The following KLHL29 variants were observed in gnomAD, a reference collection of about 807,000 sequenced individuals.
KLHL29 encodes the protein kelch-like protein 29.
Under a neutral mutation model 80.4 loss-of-function variants are expected in KLHL29, and 21 were observed. The ratio of observed to expected loss-of-function variants is 0.26; its 90% CI spans 0.19 to 0.38. KLHL29 has a LOEUF of 0.38. Ranked by LOEUF, KLHL29 falls within the 10% of genes least tolerant of loss-of-function variation. The probability of loss-of-function intolerance (pLI) is 1.00; values close to 1 mark genes in which losing one functional copy is unlikely to be tolerated. For synonymous variants in KLHL29, 511 were observed against 526.8 expected (o/e 0.97, Z 0.41); for missense variants, 867 against 1,223.9 (o/e 0.71, Z 4.35).
intron 1 of KLHL29, among the ~76,000 whole-genome samples, chr2:23,439,826 T>C (rs896701479): frequency 2.6e-5 from 4 of 152,194 alleles, no homozygotes; most frequent in Non-Finnish European, 5.9e-5. Context: ...GTCTATTAGG[T>C]CCGCTTGGTG....
At chr2:23,540,434 T>G (rs1252103336) in intron 2 of KLHL29, among the ~76,000 whole-genome samples, 1 of 152,260 alleles carries the variant, frequency 6.6e-6, no homozygotes, top group Non-Finnish European at 1.5e-5. Flanking sequence ...AAAATCGTAC[T>G]GGCTAGTGCT....
intron 2 of KLHL29, among the ~76,000 whole-genome samples, chr2:23,557,619 C>T (rs72849604): frequency 0.034 from 5,111 of 152,136 alleles, 301 homozygotes; most frequent in African/African-American, 0.12. Flanking sequence ...CATGGCATGG[C>T]CCAGCAGGTG....
chr2:23,568,809 G>A (rs561957112), intron 3 of KLHL29, among the ~76,000 whole-genome samples: 1 of 152,328 alleles, frequency 6.6e-6, no homozygotes, highest in South Asian at 2.1e-4. Flanking sequence ...TGTTTGTTTA[G>A]GCATAGTCAC....
chr2:23,530,021 T>C (rs1252228203), intron 2 of KLHL29, among the ~76,000 whole-genome samples: 1 of 151,428 alleles, frequency 6.6e-6, no homozygotes, highest in African/African-American at 2.5e-5. Context: ...GCTCTTTCCA[T>C]GTGCTCTTCA....
intron 3 of KLHL29, among the ~76,000 whole-genome samples, chr2:23,581,098 T>C (rs1053648630): frequency 1.3e-5 from 2 of 152,226 alleles, no homozygotes; most frequent in African/African-American, 2.4e-5. Flanking sequence ...TTATTTTTTT[T>C]TTAAAGAAAT....
rs894161293 is a variant in KLHL29, at chr2:23,703,837, C to T, written c.2418C>T (p.Asn806=). The T allele has an allele frequency of 3.3e-6, 5 of 1,537,284 alleles. No homozygotes were observed. Among genetic ancestry groups the T allele is most frequent in the African/African-American group, 1.4e-5 (1 of 73,052 alleles). Reference sequence around the variant, plus strand: ...AAGGAAACATTAAGGCGGGCCCAAACATGAACCACTCTCGCCAGTTCTGCA... The same window carrying T: ...AAGGAAACATTAAGGCGGGCCCAAATATGAACCACTCTCGCCAGTTCTGCA... ...PEKGNIKAGP[N]MNHSRQFCSA... Residue 806 remains asparagine, a synonymous_variant, in exon 13 of 14, where the codon AAC becomes AAT. Transcript: ENST00000486442.
intron 3 of KLHL29, among the ~76,000 whole-genome samples, chr2:23,564,401 G>A (rs1446774630): frequency 6.6e-6 from 1 of 152,226 alleles, no homozygotes; most frequent in Non-Finnish European, 1.5e-5. Context: ...GGGGGCGAAA[G>A]TTCATTCCTG....
At chr2:23,668,471 G>A (rs373471868) in intron 5 of KLHL29, 5 of 152,272 alleles carry the variant, frequency 3.3e-5, no homozygotes, top group African/African-American at 1.2e-4. Flanking sequence ...CACCACATTG[G>A]AGGATGCTGC....
At chr2:23,583,577 G>C (rs576909500) in intron 3 of KLHL29, among the ~76,000 whole-genome samples, 32 of 152,342 alleles carry the variant, frequency 2.1e-4, no homozygotes, top group African/African-American at 6.7e-4. Flanking sequence ...AAGGAGCTGG[G>C]TGCGTCATTT....
At chr2:23,589,486 C>T (rs1572420822) in intron 3 of KLHL29, among the ~76,000 whole-genome samples, 1 of 152,222 alleles carries the variant, frequency 6.6e-6, no homozygotes, top group South Asian at 2.1e-4. Context: ...CCACCCACCT[C>T]GGTTTAGCTC....
Position 23,696,502 on chromosome 2 carries a change from C to A in KLHL29, c.2094C>A (p.Asp698Glu). The A allele has an allele frequency of 6.5e-7, 1 of 1,530,680 alleles. No individual in the cohort carries two copies. The highest frequency in any genetic ancestry group is 1.3e-5 in the South Asian group (1 of 79,316). 94.8% of individuals were successfully genotyped at this position (1,530,680 alleles called of 1,614,324 possible). ...GACTTGGCGTGGCAGGCAACGTGGACCACGTGGAGAGGTAATGAGGCCACG... is the reference window on the plus strand; with the variant it reads ...GACTTGGCGTGGCAGGCAACGTGGAACACGTGGAGAGGTAATGAGGCCACG... Reference protein sequence around the residue: ...LGGLGVAGNVDHVERYDTITN... With the variant: ...LGGLGVAGNVEHVERYDTITN... The change falls in exon 11 of 14, where the codon GAC becomes GAA. Residue 698 changes from aspartate (D) to glutamate (E), a missense_variant. Asp to Glu is a conservative substitution (Grantham distance 45). Coordinates refer to ENST00000486442, the MANE Select transcript of KLHL29 (RefSeq NM_052920.2). This position sits in a 1 kb window ranked among gnomAD's most constrained non-coding sequence, Gnocchi z 5.5.
chr2:23,479,937 C>T lies in KLHL29; in HGVS notation c.-46+4270C>T, dbSNP rs376243746. The stretch of plus-strand genomic sequence containing the variant: ...TTCAGTTCAGAGATTACAGAACCAC[C>T]GACAGTGTGTCCTCATAAGCAGCGT... On this transcript the variant is annotated intron_variant, in intron 2 of 13. Coordinates refer to ENST00000486442, the MANE Select transcript of KLHL29 (RefSeq NM_052920.2). Among the ~76,000 whole-genome samples the T allele has an allele frequency of 1.8e-4, 27 of 152,330 alleles. No homozygotes were observed. The East Asian group carries it at 1.9e-3, about 11-fold the overall frequency.
intron 2 of KLHL29, among the ~76,000 whole-genome samples, 173 bp from the exon 3 acceptor site, chr2:23,561,979 T>C (rs749500665): frequency 6.6e-6 from 1 of 152,174 alleles, no homozygotes; most frequent in Non-Finnish European, 1.5e-5. Flanking sequence ...GTATTCCTTG[T>C]CTGTGAAGTG....
In KLHL29 at chr2:23,438,295, C is replaced by T. The variant is rs79579772; in HGVS notation, c.-153-37265C>T. On this transcript the variant is annotated intron_variant, in intron 1 of 13. Transcript: ENST00000486442. ...ACTTCCTCTTTTCCTAATTGAATAC[C>T]CTTTATTTCCTTCTCCTGCCTAATT... Among the ~76,000 whole-genome samples, 635 of 151,724 alleles carry T rather than the reference C, an allele frequency of 4.2e-3. 3 individuals carry two copies. Among genetic ancestry groups the T allele is most frequent in the Non-Finnish European group, 6.8e-3 (465 of 67,952 alleles).
intron 1 of KLHL29, among the ~76,000 whole-genome samples, chr2:23,409,765 T>G (rs1666817266): frequency 6.6e-6 from 1 of 152,140 alleles, no homozygotes; most frequent in Non-Finnish European, 1.5e-5. Context: ...TACAGTCTAG[T>G]GGGGGAGACA....
At chr2:23,483,078 A>G (rs1479493316) in intron 2 of KLHL29, among the ~76,000 whole-genome samples, 1 of 152,118 alleles carries the variant, frequency 6.6e-6, no homozygotes, top group African/African-American at 2.4e-5. Context: ...TGGAAGAGCA[A>G]CTCATTTACT....
intron 3 of KLHL29, among the ~76,000 whole-genome samples, chr2:23,579,240 G>A (rs528345022): frequency 2.0e-5 from 3 of 152,362 alleles, no homozygotes; most frequent in African/African-American, 7.2e-5. Context: ...GTTTTGGAAA[G>A]CCTGAGAACT....
At chr2:23,638,881 A>G (rs1433582440) in intron 3 of KLHL29, among the ~76,000 whole-genome samples, 1 of 152,130 alleles carries the variant, frequency 6.6e-6, no homozygotes, top group Non-Finnish European at 1.5e-5. Context: ...GGAGGGTGAC[A>G]AGGGAGGCAC....
intron 2 of KLHL29, among the ~76,000 whole-genome samples, chr2:23,499,001 C>T (rs1159971309): frequency 6.6e-6 from 1 of 152,198 alleles, no homozygotes; most frequent in Non-Finnish European, 1.5e-5. Context: ...CGACCGATCA[C>T]GTTTCCTTTC....
Sources: gnomAD v4.1 joint callset for allele counts (sites outside exome capture counted in the v4.1 genomes callset) on GRCh38, gnomAD v4.1.1 for gene constraint, Gnocchi (gnomAD v3.1) non-coding constraint, MANE v1.5 for transcripts, NCBI Gene and HGNC (gene_info 2026-07-23, HGNC 2026-07-21) for gene names.